Variants in TDRD9 observed in about 807,000 individuals in gnomAD.
TDRD9 encodes the protein tudor domain containing 9.
Under a neutral mutation model 172.6 loss-of-function variants are expected in TDRD9, and 124 were observed. The observed-to-expected ratio is 0.72, with a 90% confidence interval of 0.62 to 0.83. The LOEUF (loss-of-function observed/expected upper bound fraction) is 0.83, where lower values mean the gene tolerates loss of function less well. TDRD9 is among the 40% of genes least tolerant of loss of function. The pLI, the probability that TDRD9 is intolerant of heterozygous loss-of-function variation, is 0.00. For synonymous variants in TDRD9, 619 were observed against 617.1 expected (o/e 1.00, Z -0.05); for missense variants, 1,479 against 1,714.1 (o/e 0.86, Z 2.42).
In TDRD9 at chr14:103,998,725, A is replaced by C. The variant is rs749537818; in HGVS notation, c.1480A>C (p.Lys494Gln). ...WASKTSCNQR[K>Q]GRAGRVSRGY... ...TTCTAAAACCAGCTGTAATCAGAGA[A>C]AAGGTAAGACATTTGTGTTAAAGCA... Residue 494 changes from lysine to glutamine, a missense_variant, in exon 13 of 36, where the codon AAA becomes CAA. By Grantham distance (53) the Lys-to-Gln change is moderately conservative. This residue lies in a region of TDRD9 where 1,413 missense variants were observed against 1,649.1 expected (regional missense o/e 0.86). Transcript: ENST00000409874. 1 of 1,520,032 alleles carries C rather than the reference A, an allele frequency of 6.6e-7. No individual in the cohort carries two copies. The highest frequency in any genetic ancestry group is 9.1e-7 in the Non-Finnish European group (1 of 1,094,058). 94.2% of individuals were successfully genotyped at this position (1,520,032 alleles called of 1,614,324 possible). A position where few individuals can be genotyped will look rare whatever the true frequency, so the allele number is the denominator to read the frequency against.
intron 13 of TDRD9, among the ~76,000 whole-genome samples, chr14:104,000,130 C>T (rs576735488): frequency 9.2e-5 from 14 of 151,924 alleles, no homozygotes; most frequent in East Asian, 3.9e-4. Context: ...AGTTCGAGAC[C>T]GGCCTGGACA....
At chr14:104,007,052 A>C (rs2034463690) in intron 18 of TDRD9, 108 bp from the exon 19 acceptor site, 25 of 1,201,510 alleles carry the variant, frequency 2.1e-5, no homozygotes, top group Non-Finnish European at 2.8e-5. Flanking sequence ...GAAAAAATTA[A>C]ATTTGTAAAT....
chr14:103,965,922 GC>G (rs568279863), intron 4 of TDRD9, among the ~76,000 whole-genome samples: 275 of 152,158 alleles, frequency 1.8e-3, no homozygotes, highest in Middle Eastern at 0.01. Context: ...TCCAGCATGG[GC>G]AACAGAGTGA....
intron 2 of TDRD9, among the ~76,000 whole-genome samples, chr14:103,959,385 C>T (rs371086159): frequency 3.4e-4 from 52 of 151,812 alleles, no homozygotes; most frequent in African/African-American, 1.1e-3. Context: ...AACATGTCAC[C>T]GTCATGTCTG....
At chr14:104,040,473 C>G (rs1293711111) in intron 33 of TDRD9, 139 bp downstream of exon 33, 6 of 963,056 alleles carry the variant, frequency 6.2e-6, no homozygotes, top group Non-Finnish European at 7.0e-6. Context: ...CGTTCCTTGT[C>G]CCTCCTGGAG....
rs762768265 is a variant in TDRD9, at chr14:104,024,626, A to G, written c.2664A>G (p.Thr888=). The change falls in exon 25 of 36, where the codon ACA becomes ACG. Residue 888 remains threonine (T), a synonymous_variant. Transcript: ENST00000409874. The part of the protein sequence containing the change: ...TVDPMQVSFN[T]SDRSQTVTDL... ...ATCCTATGCAAGTCTCCTTTAACAC[A>G]TCAGACAGGTCCCAGACAGTTACAG... The G allele has an allele frequency of 1.2e-6, 2 of 1,613,504 alleles. No homozygotes were observed. The highest frequency in any genetic ancestry group is 1.3e-5 in the African/African-American group (1 of 75,022).
rs149384966 is a variant in TDRD9 at position 103,984,981 on chromosome 14, C to T, written c.1012-1236C>T. ...GGAGCTTTAAGATTTGACTGCCCTG[C>T]TGGATTTCAGACTTGCTTGGGACCT... On this transcript the variant is annotated intron_variant, in intron 7 of 35. Coordinates refer to ENST00000409874, the MANE Select transcript of TDRD9 (RefSeq NM_153046.3). Among the ~76,000 whole-genome samples, 36 of 152,286 alleles carry T rather than the reference C, an allele frequency of 2.4e-4. No homozygotes were observed. In the East Asian group the frequency reaches 6.7e-3, roughly 29 times the overall value.
intron 2 of TDRD9, among the ~76,000 whole-genome samples, chr14:103,957,054 A>G (rs543905425): frequency 1.3e-5 from 2 of 152,346 alleles, no homozygotes; most frequent in East Asian, 1.9e-4. Context: ...CAGTCAATAC[A>G]TAATAGTAGA....
At chr14:103,951,048 C>G (rs2031847442) in intron 1 of TDRD9, among the ~76,000 whole-genome samples, 1 of 152,178 alleles carries the variant, frequency 6.6e-6, no homozygotes, top group Non-Finnish European at 1.5e-5. Flanking sequence ...TTCTTTACTT[C>G]CCTGAATACA....
In TDRD9 at chr14:104,049,556, G is replaced by A. The variant is rs182358799; in HGVS notation, c.3975-52G>A. 77 of 1,409,312 alleles carry A rather than the reference G, an allele frequency of 5.5e-5. No homozygotes were observed. The East Asian group carries it at 1.9e-3, about 35-fold the overall frequency. 87.3% of individuals were successfully genotyped at this position (1,409,312 alleles called of 1,614,324 possible). A position where few individuals can be genotyped will look rare whatever the true frequency, so the allele number is the denominator to read the frequency against. On this transcript the variant is annotated intron_variant, in intron 34 of 35. Transcript: ENST00000409874. ...AAATCTTTAAAAAAATCACAGCAGTGTTTTCAGTTACTAATATATAATTAA... is the reference window on the plus strand; with the variant it reads ...AAATCTTTAAAAAAATCACAGCAGTATTTTCAGTTACTAATATATAATTAA...
Position 103,994,436 on chromosome 14 carries a change from C to A in TDRD9, c.1235+50C>A, listed in dbSNP as rs753268961. On this transcript the variant is annotated intron_variant, in intron 10 of 35. Transcript: ENST00000409874. Reference sequence around the variant, plus strand: ...ATTCTTCTAAGCCATTGCATTGTTTCTGCCTTAAATTATCTCAGTATTTAT... The same window carrying A: ...ATTCTTCTAAGCCATTGCATTGTTTATGCCTTAAATTATCTCAGTATTTAT... 2.5e-6 allele frequency: 4 copies of A among 1,603,582 alleles called. No homozygotes were observed. The African/African-American group carries it at 5.4e-5, about 21-fold the overall frequency.
intron 1 of TDRD9, among the ~76,000 whole-genome samples, chr14:103,935,904 G>A (rs941732932): frequency 2.6e-5 from 4 of 152,084 alleles, no homozygotes; most frequent in Non-Finnish European, 4.4e-5. Flanking sequence ...CCACCTCTTG[G>A]TGCAGTACCT....
intron 6 of TDRD9, among the ~76,000 whole-genome samples, chr14:103,974,138 G>T (rs1177893632): frequency 6.6e-6 from 1 of 152,198 alleles, no homozygotes; most frequent in Non-Finnish European, 1.5e-5. Context: ...GGAGGCTGAG[G>T]TTGCAGTGAG....
At chr14:103,996,174 C>T (rs1191159527) in intron 12 of TDRD9, among the ~76,000 whole-genome samples, 6 of 152,264 alleles carry the variant, frequency 3.9e-5, no homozygotes, top group Non-Finnish European at 5.9e-5. Flanking sequence ...ACCATGTCAA[C>T]TCTGGAGCAG....
chr14:103,980,627 C>T lies in TDRD9; in HGVS notation c.1011+5074C>T, dbSNP rs556681337. Among the ~76,000 whole-genome samples the T allele has an allele frequency of 1.3e-4, 20 of 152,228 alleles. No homozygotes were observed. The South Asian group carries it at 4.1e-3, about 32-fold the overall frequency. ...AACTGCGGGCGGGCCTAACTGATGT[C>T]AAGCCCTCCACAAGAGGTGGAGGAG... is the stretch of plus-strand genomic sequence containing the variant. On this transcript the variant is annotated intron_variant, in intron 7 of 35. Transcript: ENST00000409874. The surrounding 1 kb of genome is among the most constrained non-coding windows in gnomAD (Gnocchi z 4.5).
intron 1 of TDRD9, among the ~76,000 whole-genome samples, chr14:103,945,003 A>G (rs2031483793): frequency 6.6e-6 from 1 of 152,228 alleles, no homozygotes; most frequent in African/African-American, 2.4e-5. Flanking sequence ...TGTAGCAGTG[A>G]ACAAGAAAGA....
rs117699114 is a variant in TDRD9, at chr14:103,932,893, C to T, written c.215+4169C>T. Among the ~76,000 whole-genome samples the T allele has an allele frequency of 4.1e-4, 62 of 151,626 alleles. 1 individual carries two copies. In the East Asian group the frequency reaches 0.011, roughly 27 times the overall value. On this transcript the variant is annotated intron_variant, in intron 1 of 35. Transcript: ENST00000409874. ...TTTTAATCAGCTTAATGAGTAGTGA[C>T]CACCAGCATTAAAAAATAAATAGAA... is the stretch of plus-strand genomic sequence containing the variant.
intron 34 of TDRD9, among the ~76,000 whole-genome samples, chr14:104,047,908 T>C (rs1171861121): frequency 3.3e-5 from 5 of 152,206 alleles, no homozygotes; most frequent in South Asian, 2.1e-4. Flanking sequence ...TTCATTGTTA[T>C]CCTATTTTTA....
At chr14:103,946,112 C>T (rs1056239104) in intron 1 of TDRD9, among the ~76,000 whole-genome samples, 1 of 151,862 alleles carries the variant, frequency 6.6e-6, no homozygotes, top group African/African-American at 2.4e-5. Context: ...ACTATAGGCA[C>T]GTGCCACCAT....
Sources: allele counts gnomAD v4.1 joint callset (sites outside exome capture counted in the v4.1 genomes callset), GRCh38; gene constraint gnomAD v4.1.1; regional missense constraint gnomAD v4.1.1; non-coding constraint Gnocchi (gnomAD v3.1); transcripts MANE v1.5; gene names NCBI Gene and HGNC (gene_info 2026-07-23, HGNC 2026-07-21).